Variants in MADD observed in about 807,000 individuals in gnomAD.
MADD encodes MAP kinase activating death domain.
Under a neutral mutation model 176.7 loss-of-function variants are expected in MADD, and 109 were observed. The observed-to-expected ratio is 0.62, with a 90% CI of 0.53 to 0.72. The LOEUF (loss-of-function observed/expected upper bound fraction) is 0.72, where lower values mean the gene tolerates loss of function less well. MADD is among the 30% of genes least tolerant of loss of function. MADD has a pLI of 0.00. For missense variants in MADD, 1,914 were observed against 2,045.5 expected (o/e 0.94, Z 1.24); for synonymous variants, 771 against 771.3 (o/e 1.00, Z 0.01).
upstream of MADD, chr11:47,269,880 A>T (rs1403966817): frequency 1.3e-5 from 2 of 152,048 alleles, no homozygotes; most frequent in African/African-American, 4.8e-5. Flanking sequence ...GTCGGGTGAG[A>T]GTCTCTCTGA....
rs12288967 is a variant in MADD, at chr11:47,279,531, G to A, written c.1290+452G>A. 7.4e-3 allele frequency among the ~76,000 whole-genome samples: 1,118 copies of A among 151,796 alleles called. 18 individuals are homozygous for A. The highest frequency in any genetic ancestry group is 0.025 in the African/African-American group (1,038 of 41,424). On this transcript the variant is annotated intron_variant, in intron 7 of 32. Coordinates refer to ENST00000402192, the Ensembl canonical transcript of MADD. ...GGAGCTGGGACTATAGGCGCACGCC[G>A]CCACACCCGGCTAATTTTTTTGTAT...
exon 19 of MADD, chr11:47,290,719 T>C: frequency 6.2e-7 from 1 of 1,614,072 alleles, no homozygotes; most frequent in Non-Finnish European, 8.5e-7. Context: ...AACTGAGAGT[T>C]CCACAACTGG....
chr11:47,290,820 C>T lies in MADD; in HGVS notation c.3301+4C>T, dbSNP rs544530886. 146 of 1,599,928 alleles carry T rather than the reference C, an allele frequency of 9.1e-5. 1 individual carries two copies. In the South Asian group the frequency reaches 9.9e-4, roughly 11 times the overall value. ...GAAAATTTTATAGCATCTATTGGTA[C>T]GTATCAGTGTGTTTGGTGTGGTGGA... On this transcript the variant is annotated splice_donor_region_variant and intron_variant, in intron 19 of 32. Transcript: ENST00000402192.
At chr11:47,303,257 T>G (rs917637733) in intron 22 of MADD, among the ~76,000 whole-genome samples, 16 of 150,312 alleles carry the variant, frequency 1.1e-4, no homozygotes, top group African/African-American at 3.9e-4. Flanking sequence ...TTTTTTTTTT[T>G]TTGAGACGGA....
chr11:47,274,767 G>T, exon 3 of MADD: 1 of 1,614,186 alleles, frequency 6.2e-7, no homozygotes, highest in African/African-American at 1.3e-5. Flanking sequence ...CTGGAGTCAC[G>T]CGATATGGCA....
Position 47,276,984 on chromosome 11 carries a change from A to G in MADD, c.1095+121A>G, listed in dbSNP as rs945069853. 8.3e-5 allele frequency: 100 copies of G among 1,202,762 alleles called. 1 individual carries two copies. The highest frequency in any genetic ancestry group is 1.1e-4 in the Non-Finnish European group (91 of 866,636). 74.5% of individuals were successfully genotyped at this position (1,202,762 alleles called of 1,614,324 possible). The stretch of plus-strand genomic sequence containing the variant: ...ATCCTTTGTCATAACTTATTTGTCT[A>G]CAAAATCTGACTGATTTGAACTGAT... On this transcript the variant is annotated intron_variant, in intron 5 of 32. Transcript: ENST00000402192.
At chr11:47,288,390 T>C (rs1372423598) in intron 15 of MADD, among the ~76,000 whole-genome samples, 4 of 152,222 alleles carry the variant, frequency 2.6e-5, no homozygotes, top group Non-Finnish European at 5.9e-5. Flanking sequence ...ACATCAGAGC[T>C]GGCAGTGAAA....
chr11:47,273,669 A>G (rs2047054613), intron 1 of MADD, among the ~76,000 whole-genome samples, 158 bp from the exon 2 acceptor site: 2 of 152,188 alleles, frequency 1.3e-5, no homozygotes, highest in East Asian at 3.8e-4. Context: ...CTGTGAGCTC[A>G]TGAGCCTAGA....
chr11:47,319,937 GCC>G (rs1400677667), intron 27 of MADD, among the ~76,000 whole-genome samples: 1 of 138,374 alleles, frequency 7.2e-6, no homozygotes, highest in Non-Finnish European at 1.5e-5. Context: ...GTTGCAGTGA[GCC>G]GAGATCATGC....
chr11:47,282,334 A>C lies in MADD; in HGVS notation c.1470-47A>C, dbSNP rs374029713. The C allele has an allele frequency of 1.2e-4, 182 of 1,525,724 alleles. No homozygotes were observed. In the African/African-American group the frequency reaches 2.3e-3, roughly 20 times the overall value. The allele number at this position is 1,525,724 out of a possible 1,614,324, so 94.5% of individuals were successfully genotyped here. On this transcript the variant is annotated intron_variant, in intron 8 of 32. Transcript: ENST00000402192. Reference sequence around the variant, plus strand: ...TGTTCTAAGACTTTGGATCATGGGAATCCTTACCCTATGGGTCTCAGATTA... The same window carrying C: ...TGTTCTAAGACTTTGGATCATGGGACTCCTTACCCTATGGGTCTCAGATTA...
exon 28 of MADD, chr11:47,323,766 G>C: frequency 6.2e-7 from 1 of 1,614,202 alleles, no homozygotes; most frequent in East Asian, 2.2e-5. Flanking sequence ...ACTGTCCCAA[G>C]ACGAAGGTGT....
Position 47,316,007 on chromosome 11 carries a change from A to G in MADD, c.4197+680A>G, listed in dbSNP as rs370056486. Among the ~76,000 whole-genome samples, 7 of 149,206 alleles carry G rather than the reference A, an allele frequency of 4.7e-5. No homozygotes were observed. In the East Asian group the frequency reaches 1.2e-3, roughly 26 times the overall value. On this transcript the variant is annotated intron_variant, in intron 27 of 32. Coordinates refer to ENST00000402192, the Ensembl canonical transcript of MADD. ...CCACCATGCCCGGCCAATTTTTTGTATTTTAGTAGAGGTGGGGTTTCACCA... is the reference window on the plus strand; with the variant it reads ...CCACCATGCCCGGCCAATTTTTTGTGTTTTAGTAGAGGTGGGGTTTCACCA...
intron 14 of MADD, among the ~76,000 whole-genome samples, chr11:47,286,015 A>G (rs1481837389): frequency 2.0e-5 from 3 of 152,246 alleles, no homozygotes; most frequent in Non-Finnish European, 4.4e-5. Context: ...TATTCCCAGC[A>G]GTGCAGGGTC....
chr11:47,288,009 G>C (rs906221389), intron 15 of MADD, among the ~76,000 whole-genome samples: 3 of 151,582 alleles, frequency 2.0e-5, no homozygotes, highest in Middle Eastern at 3.2e-3. Flanking sequence ...GGATGGTCTC[G>C]ATCTCCTGAC....
chr11:47,315,279 T>C, exon 27 of MADD: 1 of 1,613,914 alleles, frequency 6.2e-7, no homozygotes, highest in Non-Finnish European at 8.5e-7. Context: ...AGCAGACATT[T>C]GTGGTACATG....
chr11:47,284,964 G>A lies in MADD; in HGVS notation c.2181G>A (p.Met727Ile), dbSNP rs61751748. 1.1e-4 allele frequency: 184 copies of A among 1,613,858 alleles called. 1 individual carries two copies. The South Asian group carries it at 2.0e-3, about 17-fold the overall frequency. Residue 727 changes from methionine to isoleucine, a missense_variant, in exon 13 of 33, where the codon ATG becomes ATA. Physicochemically the swap from Met to Ile is conservative, Grantham distance 10. Transcript: ENST00000402192. ...AGGAACCTGCTGACTCTACGGAGAT[G>A]GATGATAAGGCAGCAGTAGGCGTCT... is the stretch of plus-strand genomic sequence containing the variant.
At chr11:47,290,088 A>G (rs2063891835) in intron 17 of MADD, 35 bp downstream of exon 18, 13 of 1,612,504 alleles carry the variant, frequency 8.1e-6, no homozygotes, top group Non-Finnish European at 1.1e-5. Context: ...GAGTAACTGG[A>G]GAGAGGGATG....
chr11:47,326,907 C>T, intron 31 of MADD, 100 bp downstream of exon 35: 1 of 1,551,610 alleles, frequency 6.4e-7, no homozygotes, highest in Non-Finnish European at 8.7e-7. Context: ...AGAAGAACCT[C>T]TGTAGAGAAG....
upstream of MADD, chr11:47,270,109 C>T (rs558022299): frequency 5.3e-5 from 8 of 152,150 alleles, no homozygotes; most frequent in South Asian, 1.2e-3. Context: ...CCTCCGCACC[C>T]CGCGCGAGTG....
Sources: allele counts gnomAD v4.1 joint callset (sites outside exome capture counted in the v4.1 genomes callset), GRCh38; gene constraint gnomAD v4.1.1; transcripts MANE v1.5; gene names NCBI Gene and HGNC (gene_info 2026-07-23, HGNC 2026-07-21).